TGIF1: variants seen among roughly 807,000 people sequenced by gnomAD.
TGIF1 encodes TGFB induced factor homeobox 1.
In TGIF1, 4 loss-of-function variants were observed where a neutral mutation model predicts 19.3. That is an observed-to-expected ratio of 0.21 (90% CI 0.10 to 0.47). The LOEUF (loss-of-function observed/expected upper bound fraction) is 0.47. TGIF1 is among the 20% of genes least tolerant of loss of function. The probability of loss-of-function intolerance (pLI) is 0.98; values close to 1 mark genes in which losing one functional copy is unlikely to be tolerated. For synonymous variants in TGIF1, 122 were observed against 129.3 expected (o/e 0.94, Z 0.38); for missense variants, 275 against 341.4 (o/e 0.81, Z 1.53).
Position 3,458,041 on chromosome 18 carries a change from C to A in TGIF1, c.*101C>A. On this transcript the variant is annotated 3_prime_UTR_variant, in exon 3 of 3. Coordinates refer to ENST00000343820, the MANE Select transcript of TGIF1 (RefSeq NM_003244.4). ...TATATATTTTTTATTAATATTTGCA[C>A]ATGGGATTGCTAAAACAGCTTCCTG... 3 of 1,085,290 alleles carry A rather than the reference C, an allele frequency of 2.8e-6. No individual in the cohort carries two copies. The highest frequency in any genetic ancestry group is 4.0e-6 in the Non-Finnish European group (3 of 746,372). The allele number at this position is 1,085,290 out of a possible 1,614,324, so 67.2% of individuals were successfully genotyped here.
Position 3,450,201 on chromosome 18 carries a change from G to C in TGIF1, c.-289G>C. ...TGACAGCGCCGAGGTGCGCCGAGCAGGAGCAGGGAACAAAGGAGCGGAGAG... is the reference window on the plus strand; with the variant it reads ...TGACAGCGCCGAGGTGCGCCGAGCACGAGCAGGGAACAAAGGAGCGGAGAG... On this transcript the variant is annotated 5_prime_UTR_variant, in exon 1 of 3. Transcript: ENST00000343820. The C allele has an allele frequency of 1.5e-6, 2 of 1,373,152 alleles. No individual in the cohort carries two copies. The highest frequency in any genetic ancestry group is 1.9e-6 in the Non-Finnish European group (2 of 1,063,456). 85.1% of individuals were successfully genotyped at this position (1,373,152 alleles called of 1,614,324 possible).
At chr18:3,420,778 T>A (rs1280130081) in intron 2 of TGIF1, among the ~76,000 whole-genome samples, 1 of 152,198 alleles carries the variant, frequency 6.6e-6, no homozygotes, top group Non-Finnish European at 1.5e-5. Context: ...TAGCCCTTAG[T>A]TCTAGGAGGG....
At chr18:3,454,250 T>G (rs574833995) in intron 1 of TGIF1, among the ~76,000 whole-genome samples, 1 of 152,320 alleles carries the variant, frequency 6.6e-6, no homozygotes, top group South Asian at 2.1e-4. Context: ...AGATCAGGCT[T>G]CTTGTCAAAC....
upstream of TGIF1, chr18:3,447,579 A>G (rs998972850): frequency 1.2e-5 from 10 of 816,258 alleles, no homozygotes; most frequent in Non-Finnish European, 2.1e-5. Context: ...GAATGCACCA[A>G]GAATCCGAAA....
rs1030162464 is a variant in TGIF1, at chr18:3,434,590, C to T, written c.-45+16375C>T. 3.3e-5 allele frequency among the ~76,000 whole-genome samples: 5 copies of T among 152,104 alleles called. 1 individual carries two copies. The highest frequency in any genetic ancestry group is 7.4e-5 in the Non-Finnish European group (5 of 68,010). Reference sequence around the variant, plus strand: ...ATTAGCCAGGCGTGGTGGCATGCGCCTGTAATCCCAGCTACTCGGGAGGCT... The same window carrying T: ...ATTAGCCAGGCGTGGTGGCATGCGCTTGTAATCCCAGCTACTCGGGAGGCT... On this transcript the variant is annotated intron_variant, in intron 2 of 3. Coordinates refer to the TGIF1 transcript ENST00000401449.
chr18:3,426,285 CAGCCTCCCA>C (rs1490913595), intron 2 of TGIF1, among the ~76,000 whole-genome samples: 1 of 151,428 alleles, frequency 6.6e-6, no homozygotes, highest in Non-Finnish European at 1.5e-5. Flanking sequence ...TCTCACACCT[CAGCCTCCCA>C]AGTTGCTGGG....
chr18:3,443,816 A>G (rs937710486), intron 2 of TGIF1, among the ~76,000 whole-genome samples: 1 of 152,046 alleles, frequency 6.6e-6, no homozygotes, highest in African/African-American at 2.4e-5. Flanking sequence ...TACAGACATG[A>G]GCCACTGTAC....
chr18:3,422,468 AGTAAG>A (rs879577370), intron 2 of TGIF1, among the ~76,000 whole-genome samples: 1 of 151,644 alleles, frequency 6.6e-6, no homozygotes, highest in East Asian at 1.9e-4. Context: ...AAAAAGTTAT[AGTAAG>A]GTAAAGTTAA....
intron 2 of TGIF1, among the ~76,000 whole-genome samples, chr18:3,423,418 G>C (rs936944877): frequency 1.3e-5 from 2 of 152,024 alleles, no homozygotes; most frequent in African/African-American, 4.8e-5. Context: ...AGTGGCTCAC[G>C]CTTGTAATCC....
intron 1 of TGIF1, among the ~76,000 whole-genome samples, chr18:3,453,227 T>G (rs1402263895): frequency 2.0e-5 from 3 of 152,048 alleles, no homozygotes; most frequent in African/African-American, 7.2e-5. Flanking sequence ...CAAGAGACAT[T>G]GCTCCCAGCT....
chr18:3,453,954 T>G, intron 1 of TGIF1: 4 of 564,430 alleles, frequency 7.1e-6, no homozygotes, highest in Non-Finnish European at 9.0e-6. Context: ...AAAGTCTTTG[T>G]TTTTCCAAGC....
chr18:3,443,191 A>G (rs1022152314), intron 2 of TGIF1, among the ~76,000 whole-genome samples: 1 of 152,204 alleles, frequency 6.6e-6, no homozygotes, highest in Non-Finnish European at 1.5e-5. Flanking sequence ...CGCGTATTCT[A>G]TCAGTTGTTA....
rs2049449649 is a variant in TGIF1, at chr18:3,459,097, C to CT, written c.*1160dup. ...GGCCAGAAGGGAATTGGTGTTGCTC[C>CT]TTTCACTTGTATGGTTGAGCAGATT... is the stretch of plus-strand genomic sequence containing the variant. On this transcript the variant is annotated 3_prime_UTR_variant, in exon 3 of 3. Coordinates refer to ENST00000343820, the MANE Select transcript of TGIF1 (RefSeq NM_003244.4). The CT allele has an allele frequency of 6.6e-6, 1 of 152,074 alleles. No individual in the cohort carries two copies. 9.4% of individuals were successfully genotyped at this position (152,074 alleles called of 1,614,324 possible). A position where few individuals can be genotyped will look rare whatever the true frequency, so the allele number is the denominator to read the frequency against.
chr18:3,418,594 A>C (rs2082361859), intron 2 of TGIF1: 1 of 152,222 alleles, frequency 6.6e-6, no homozygotes, highest in African/African-American at 2.4e-5. Flanking sequence ...TAGTAGGCCT[A>C]ACTACATTTT....
chr18:3,454,077 TC>T (rs2083085193), intron 1 of TGIF1, among the ~76,000 whole-genome samples: 1 of 152,232 alleles, frequency 6.6e-6, no homozygotes, highest in African/African-American at 2.4e-5. Flanking sequence ...AGTCTTAACT[TC>T]CTGTTACTTC....
intron 1 of TGIF1, chr18:3,415,416 C>A: frequency 2.0e-6 from 1 of 493,834 alleles, no homozygotes. Flanking sequence ...CTGGAGTAGA[C>A]AGGGTTATTT....
chr18:3,446,669 G>T (rs1349822089), upstream of TGIF1, among the ~76,000 whole-genome samples: 1 of 152,188 alleles, frequency 6.6e-6, no homozygotes, highest in Non-Finnish European at 1.5e-5. Context: ...TCCTGATGGG[G>T]CTGATAAAAT....
rs139826870 is a variant in TGIF1 at position 3,440,785 on chromosome 18, C to T, written c.-44-15569C>T. ...TGGACTATTATTTAGTTGTTAAAAA[C>T]GGATGTAGGCTCCCTGAGTCAGTCT... On this transcript the variant is annotated intron_variant, in intron 2 of 3. Transcript: ENST00000401449. 4.4e-3 allele frequency among the ~76,000 whole-genome samples: 665 copies of T among 152,306 alleles called. 5 individuals carry two copies. The highest frequency in any genetic ancestry group is 4.2e-3 in the Non-Finnish European group (287 of 68,040).
chr18:3,454,535 T>C (rs1272103093), intron 1 of TGIF1, among the ~76,000 whole-genome samples: 1 of 152,220 alleles, frequency 6.6e-6, no homozygotes, highest in Admixed American at 6.5e-5. Context: ...TTAAAGCCAA[T>C]GTGAGACAGG....
Sources: allele counts gnomAD v4.1 joint callset (sites outside exome capture counted in the v4.1 genomes callset), GRCh38; gene constraint gnomAD v4.1.1; transcripts MANE v1.5; gene names NCBI Gene and HGNC (gene_info 2026-07-23, HGNC 2026-07-21).